TMEM183A: variants seen among roughly 807,000 people sequenced by gnomAD.
The protein encoded by TMEM183A is transmembrane protein 183A.
TMEM183A carries 21 observed loss-of-function variants against 46.7 expected under a neutral mutation model. The ratio of observed to expected loss-of-function variants is 0.45; its 90% CI spans 0.32 to 0.65. TMEM183A has a LOEUF of 0.65. Among genes scored for constraint, TMEM183A ranks in the 30% least tolerant of loss-of-function variants. The pLI is 0.04. For missense variants in TMEM183A, 331 were observed against 481.9 expected (o/e 0.69, Z 2.93); for synonymous variants, 165 against 180.2 (o/e 0.92, Z 0.68).
intron 7 of TMEM183A, among the ~76,000 whole-genome samples, chr1:203,022,303 A>G (rs1267912401): frequency 6.6e-6 from 1 of 152,074 alleles, no homozygotes; most frequent in Admixed American, 6.5e-5. Context: ...ACCTCAGACA[A>G]TCTGCCTGCC....
At chr1:203,020,381 G>A (rs1479978564) in intron 6 of TMEM183A, among the ~76,000 whole-genome samples, 3 of 152,094 alleles carry the variant, frequency 2.0e-5, no homozygotes, top group Admixed American at 6.6e-5. Flanking sequence ...CTTTAGTTCC[G>A]AGACTTGTGA....
chr1:203,019,253 A>C (rs1657445496), intron 6 of TMEM183A, among the ~76,000 whole-genome samples: 1 of 152,236 alleles, frequency 6.6e-6, no homozygotes, highest in Non-Finnish European at 1.5e-5. Flanking sequence ...GTTTTGGATA[A>C]GGGATACTCA....
At chr1:203,022,703 A>C (rs1167146631) in intron 7 of TMEM183A, 152 bp from the exon 8 acceptor site, 1 of 179,556 alleles carries the variant, frequency 5.6e-6, no homozygotes, top group Non-Finnish European at 9.6e-6. Flanking sequence ...GTCCTTTCTC[A>C]AAAAAAAAAA....
At chr1:203,014,586 C>T (rs1403687726) in intron 3 of TMEM183A, among the ~76,000 whole-genome samples, 1 of 151,882 alleles carries the variant, frequency 6.6e-6, no homozygotes, top group Non-Finnish European at 1.5e-5. Flanking sequence ...CTGGGCACCA[C>T]TGCATTCCAG....
At position 203,020,380 on chromosome 1, in the gene TMEM183A, C is replaced by T. The variant is rs995517109; in HGVS notation, c.790-413C>T. Among the ~76,000 whole-genome samples, 11 of 152,226 alleles carry T rather than the reference C, an allele frequency of 7.2e-5. No individual in the cohort carries two copies. In the East Asian group the frequency reaches 9.6e-4, roughly 13 times the overall value. On this transcript the variant is annotated intron_variant, in intron 6 of 7. Transcript: ENST00000367242. ...GAATGCCGAGATTTTCCTTTAGTTC[C>T]GAGACTTGTGATTCCTTTATTTTAT...
Position 203,016,084 on chromosome 1 carries a change from A to C in TMEM183A, c.652A>C (p.Ile218Leu). The part of the protein sequence containing the change: ...YHMYEPFAAR[I>L]SKNPAIPEST... ...TATGTATGAGCCATTTGCTGCTCGA[A>C]TCTCCAAGAATCCAGCCATTCCAGA... Residue 218 changes from isoleucine (I) to leucine (L), a missense_variant, in exon 5 of 8, where the codon ATC becomes CTC. By Grantham distance (5) the Ile-to-Leu change is conservative (BLOSUM62 2). This residue lies in a region of TMEM183A where 233 missense variants were observed against 385.8 expected (regional missense o/e 0.60). Transcript: ENST00000367242. 3.1e-6 allele frequency: 5 copies of C among 1,614,202 alleles called. No individual in the cohort carries two copies. The highest frequency in any genetic ancestry group is 3.4e-6 in the Non-Finnish European group (4 of 1,180,038).
At chr1:203,011,246 AGAGTTCCAG>A (rs1201013915) in intron 3 of TMEM183A, among the ~76,000 whole-genome samples, 1 of 152,178 alleles carries the variant, frequency 6.6e-6, no homozygotes, top group Non-Finnish European at 1.5e-5. Flanking sequence ...GCAGTGTATA[AGAGTTCCAG>A]TTTCTCTACA....
At chr1:203,021,399 C>G (rs1657668646) in intron 7 of TMEM183A, among the ~76,000 whole-genome samples, 1 of 151,690 alleles carries the variant, frequency 6.6e-6, no homozygotes, top group African/African-American at 2.4e-5. Context: ...AGGAAGGTAT[C>G]TTTTTTCAAA....
intron 3 of TMEM183A, among the ~76,000 whole-genome samples, chr1:203,012,273 ACACACG>A (rs1656727378): frequency 6.7e-6 from 1 of 149,922 alleles, no homozygotes; most frequent in Admixed American, 6.7e-5. Context: ...ACACACACAC[ACACACG>A]GTTATTTTGA....
intron 3 of TMEM183A, among the ~76,000 whole-genome samples, chr1:203,011,196 C>G (rs1005451604): frequency 1.3e-5 from 2 of 152,150 alleles, no homozygotes; most frequent in African/African-American, 4.8e-5. Flanking sequence ...AATTGCCAAA[C>G]TGTTTTCCAA....
intron 5 of TMEM183A, among the ~76,000 whole-genome samples, chr1:203,017,595 G>T (rs891480144): frequency 1.3e-5 from 2 of 152,166 alleles, no homozygotes; most frequent in African/African-American, 4.8e-5. Flanking sequence ...TTCTGAAGAG[G>T]GTATGGGGCC....
intron 3 of TMEM183A, among the ~76,000 whole-genome samples, chr1:203,009,282 T>C (rs1254922443): frequency 6.6e-6 from 1 of 152,238 alleles, no homozygotes; most frequent in Non-Finnish European, 1.5e-5. Context: ...CAATTAGTAA[T>C]GTCTGCTTTA....
At chr1:203,010,175 T>C (rs1176230137) in intron 3 of TMEM183A, among the ~76,000 whole-genome samples, 1 of 152,006 alleles carries the variant, frequency 6.6e-6, no homozygotes, top group Admixed American at 6.6e-5. Context: ...AAATGATGTA[T>C]GTATTTTTGG....
chr1:203,014,742 G>A (rs919158476), intron 3 of TMEM183A, 147 bp from the exon 4 acceptor site: 15 of 1,224,894 alleles, frequency 1.2e-5, no homozygotes, highest in Non-Finnish European at 1.7e-5. Flanking sequence ...GCTAGGATGA[G>A]CAGGAAATGA....
In TMEM183A at chr1:203,015,014, T is replaced by TG. The variant is rs138728194; in HGVS notation, c.494dup (p.Cys165TrpfsTer48). ...TTGTAAGAATGCCTGGACTGTCACT[T>TG]GCACTGCTGCCTTTTGGACCAGGTT... is the stretch of plus-strand genomic sequence containing the variant. On this transcript the variant is annotated frameshift_variant, in exon 4 of 8. Transcript: ENST00000367242. LOFTEE classifies it high-confidence loss of function. The TG allele has an allele frequency of 6.2e-7, 1 of 1,613,532 alleles. No homozygotes were observed. Among genetic ancestry groups the TG allele is most frequent in the Non-Finnish European group, 8.5e-7 (1 of 1,179,954 alleles).
chr1:203,009,962 T>C (rs1558035944), intron 3 of TMEM183A, among the ~76,000 whole-genome samples: 1 of 152,164 alleles, frequency 6.6e-6, no homozygotes, highest in Admixed American at 6.5e-5. Flanking sequence ...GGTGAAACCC[T>C]GTCTTTACTA....
chr1:203,014,831 A>G, intron 3 of TMEM183A, 58 bp from the exon 4 acceptor site: 2 of 1,591,356 alleles, frequency 1.3e-6, no homozygotes, highest in Middle Eastern at 1.7e-4. Context: ...AAATGAAATT[A>G]TCGAGTATCT....
intron 3 of TMEM183A, 54 bp downstream of exon 3, chr1:203,008,864 A>T: frequency 2.0e-6 from 3 of 1,471,224 alleles, no homozygotes; most frequent in Non-Finnish European, 2.7e-6. Flanking sequence ...TGACAAATTG[A>T]AGATGTTACT....
chr1:203,007,790 C>T lies in TMEM183A; in HGVS notation c.126C>T (p.Tyr42=). 18 of 1,613,964 alleles carry T rather than the reference C, an allele frequency of 1.1e-5. No homozygotes were observed. The highest frequency in any genetic ancestry group is 1.4e-5 in the Non-Finnish European group (17 of 1,179,872). The change falls in exon 2 of 8, where the codon TAC becomes TAT. Residue 42 remains tyrosine (Y), a synonymous_variant. Transcript: ENST00000367242. The part of the protein sequence containing the change: ...ACSGRVTVAD[Y]ANSDPAVVRS... ...GTGTTGCAGTGACCGTGGCGGATTA[C>T]GCCAACTCGGATCCGGCGGTCGTGA...
Sources: gnomAD v4.1 joint callset for allele counts (sites outside exome capture counted in the v4.1 genomes callset) on GRCh38, gnomAD v4.1.1 for gene constraint, gnomAD v4.1.1 regional missense constraint, MANE v1.5 for transcripts, NCBI Gene and HGNC (gene_info 2026-07-23, HGNC 2026-07-21) for gene names.